The following RPAP3 variants were observed in gnomAD, a reference collection of about 807,000 sequenced individuals.
RPAP3 encodes the protein RNA polymerase II-associated protein 3.
A neutral mutation model predicts 88.8 loss-of-function variants in RPAP3; 58 were observed. That is an observed-to-expected ratio of 0.65 (90% CI 0.53 to 0.81). The LOEUF (loss-of-function observed/expected upper bound fraction) is 0.81, where lower values mean the gene tolerates loss of function less well. Ranked by LOEUF, RPAP3 falls within the 40% of genes least tolerant of loss-of-function variation. RPAP3 has a pLI of 0.00. For missense variants in RPAP3, 751 were observed against 764.3 expected, an observed-to-expected ratio of 0.98 and a Z score of 0.20; for synonymous variants, 255 against 259.9, an observed-to-expected ratio of 0.98 and a Z score of 0.18.
At chr12:47,702,260 A>C (rs1939667000) in intron 2 of RPAP3, among the ~76,000 whole-genome samples, 1 of 152,196 alleles carries the variant, frequency 6.6e-6, no homozygotes, top group African/African-American at 2.4e-5. Flanking sequence ...AAACACTGAC[A>C]GTGGGCCGGG....
At chr12:47,688,042 G>A (rs1939359839) in intron 7 of RPAP3, 41 bp from the exon 8 acceptor site, 1 of 1,567,438 alleles carries the variant, frequency 6.4e-7, no homozygotes, top group Non-Finnish European at 8.6e-7. Context: ...ACAAAGTAAT[G>A]CAAGATGCAT....
intron 16 of RPAP3, among the ~76,000 whole-genome samples, chr12:47,666,063 T>C (rs891962926): frequency 6.6e-6 from 1 of 152,208 alleles, no homozygotes; most frequent in African/African-American, 2.4e-5. Flanking sequence ...CATGTATGTT[T>C]AGTACAGGAG....
intron 10 of RPAP3, among the ~76,000 whole-genome samples, chr12:47,680,232 A>G (rs1265611152): frequency 6.6e-6 from 1 of 152,154 alleles, no homozygotes; most frequent in Non-Finnish European, 1.5e-5. Context: ...TTCCACTTAC[A>G]TAGGATATCT....
chr12:47,676,978 A>G (rs529476506), intron 12 of RPAP3, among the ~76,000 whole-genome samples: 2 of 152,356 alleles, frequency 1.3e-5, no homozygotes, highest in South Asian at 2.1e-4. Context: ...ATGAACATCA[A>G]TGTGAAAATC....
chr12:47,663,235 C>T lies in RPAP3; in HGVS notation c.*270G>A. Reference sequence around the variant, plus strand: ...ATTTATGGGTCACTGAAGAATGTATCTAAATTTAACATTTAAAATGACTCA... The same window carrying T: ...ATTTATGGGTCACTGAAGAATGTATTTAAATTTAACATTTAAAATGACTCA... On this transcript the variant is annotated 3_prime_UTR_variant, in exon 17 of 17. Transcript: ENST00000005386. The T allele has an allele frequency of 4.0e-6, 1 of 253,082 alleles. No homozygotes were observed. Among genetic ancestry groups the T allele is most frequent in the Non-Finnish European group, 7.4e-6 (1 of 134,566 alleles). The allele number at this position is 253,082 out of a possible 1,614,324, so 15.7% of individuals were successfully genotyped here.
At chr12:47,699,512 T>TA (rs1939611969) in intron 3 of RPAP3, 2 of 152,192 alleles carry the variant, frequency 1.3e-5, no homozygotes, top group South Asian at 4.1e-4. Context: ...GCAAACTAAA[T>TA]AAAAGTCCCA....
intron 9 of RPAP3, among the ~76,000 whole-genome samples, chr12:47,684,495 TAAC>T (rs1939285035): frequency 1.3e-5 from 2 of 152,278 alleles, no homozygotes; most frequent in South Asian, 2.1e-4. Flanking sequence ...CCGTAATACA[TAAC>T]AACAGTCTCC....
rs117526129 is a variant in RPAP3 at position 47,700,951 on chromosome 12, G to A, written c.294+513C>T. Among the ~76,000 whole-genome samples the A allele has an allele frequency of 1.4e-4, 22 of 152,332 alleles. No homozygotes were observed. The East Asian group carries it at 3.9e-3, about 27-fold the overall frequency. ...CTGTTTAGGGGTTAGAGAAGGTGGCGTAGAGAGGAGCAGTATGACTATAAA... is the reference window on the plus strand; with the variant it reads ...CTGTTTAGGGGTTAGAGAAGGTGGCATAGAGAGGAGCAGTATGACTATAAA... On this transcript the variant is annotated intron_variant, in intron 3 of 16. Transcript: ENST00000005386.
intron 5 of RPAP3, among the ~76,000 whole-genome samples, chr12:47,694,826 C>A (rs1047870658): frequency 4.6e-5 from 7 of 152,082 alleles, no homozygotes; most frequent in Admixed American, 2.0e-4. Context: ...AATGAAATGC[C>A]ATTTTACACC....
At chr12:47,698,505 G>T (rs1939582722) in intron 3 of RPAP3, among the ~76,000 whole-genome samples, 1 of 151,942 alleles carries the variant, frequency 6.6e-6, no homozygotes, top group Non-Finnish European at 1.5e-5. Flanking sequence ...ATGATTTTTA[G>T]TAAGATTTTA....
chr12:47,692,843 T>C (rs1939453703), intron 5 of RPAP3, among the ~76,000 whole-genome samples: 1 of 152,178 alleles, frequency 6.6e-6, no homozygotes, highest in African/African-American at 2.4e-5. Flanking sequence ...AGTCTTCCTT[T>C]CACTTGAATA....
chr12:47,696,533 C>T, intron 4 of RPAP3, 130 bp from the exon 5 acceptor site: 1 of 571,204 alleles, frequency 1.8e-6, no homozygotes, highest in South Asian at 3.1e-5. Context: ...GAAGTCTACA[C>T]CAAGTGTGCC....
chr12:47,705,742 C>T (rs936676977), intron 1 of RPAP3, among the ~76,000 whole-genome samples: 17 of 152,206 alleles, frequency 1.1e-4, no homozygotes, highest in Admixed American at 1.1e-3. Context: ...AGCGCGCAGG[C>T]CCGGGTTGCG....
rs74085975 is a variant in RPAP3 at position 47,679,833 on chromosome 12, G to A, written c.1115-59C>T. ...GTTAAAATGTGGAGTTTTCATATTC[G>A]CATGTATATTCATGATATATTCAGT... On this transcript the variant is annotated intron_variant, in intron 10 of 16. Coordinates refer to ENST00000005386, the MANE Select transcript of RPAP3 (RefSeq NM_024604.3). 7,003 of 1,171,506 alleles carry A rather than the reference G, an allele frequency of 6.0e-3. 230 individuals carry two copies. The African/African-American group carries it at 0.071, about 12-fold the overall frequency. 72.6% of individuals were successfully genotyped at this position (1,171,506 alleles called of 1,614,324 possible). A position where few individuals can be genotyped will look rare whatever the true frequency, so the allele number is the denominator to read the frequency against.
intron 12 of RPAP3, among the ~76,000 whole-genome samples, chr12:47,674,207 C>T (rs141115228): frequency 2.6e-5 from 4 of 151,616 alleles, no homozygotes; most frequent in South Asian, 2.1e-4. Flanking sequence ...GCGTGATCAA[C>T]GCAGAAGAAG....
chr12:47,673,166 G>T (rs1272726492), intron 12 of RPAP3, among the ~76,000 whole-genome samples: 2 of 152,102 alleles, frequency 1.3e-5, no homozygotes, highest in Non-Finnish European at 2.9e-5. Context: ...TAATAGGCCA[G>T]GCATGGTGGC....
At chr12:47,690,898 G>A (rs1467376602) in intron 5 of RPAP3, among the ~76,000 whole-genome samples, 1 of 152,170 alleles carries the variant, frequency 6.6e-6, no homozygotes, top group Admixed American at 6.5e-5. Flanking sequence ...TGGTTTTCCA[G>A]TGCATACAAA....
intron 1 of RPAP3, among the ~76,000 whole-genome samples, chr12:47,705,165 A>T (rs1473555542): frequency 6.6e-6 from 1 of 152,190 alleles, no homozygotes; most frequent in African/African-American, 2.4e-5. Context: ...AAGGTAGGAG[A>T]AGAGTCAAAG....
chr12:47,696,764 G>A (rs1031335246), intron 4 of RPAP3, among the ~76,000 whole-genome samples: 2 of 151,902 alleles, frequency 1.3e-5, no homozygotes, highest in Non-Finnish European at 2.9e-5. Flanking sequence ...TTACTTTTTT[G>A]TAAGAATACA....
Sources: allele counts gnomAD v4.1 joint callset (sites outside exome capture counted in the v4.1 genomes callset), GRCh38; gene constraint gnomAD v4.1.1; transcripts MANE v1.5; gene names NCBI Gene and HGNC (gene_info 2026-07-23, HGNC 2026-07-21).